OTOF: variants seen among roughly 807,000 people sequenced by gnomAD.
OTOF encodes otoferlin.
In OTOF, 218 loss-of-function variants were observed where a neutral mutation model predicts 236.8. The ratio of observed to expected loss-of-function variants is 0.92; its 90% CI spans 0.82 to 1.03. The LOEUF (loss-of-function observed/expected upper bound fraction) is 1.03, where lower values mean the gene tolerates loss of function less well. OTOF is among the 50% of genes least tolerant of loss of function. The probability of loss-of-function intolerance (pLI) is 0.00; values close to 1 mark genes in which losing one functional copy is unlikely to be tolerated. For missense variants in OTOF, 2,590 were observed against 2,694.4 expected, an observed-to-expected ratio of 0.96 and a Z score of 0.86; for synonymous variants, 1,041 against 1,072.5, an observed-to-expected ratio of 0.97 and a Z score of 0.57.
At chr2:26,469,088 T>C (rs1424520563) in intron 32 of OTOF, among the ~76,000 whole-genome samples, 1 of 152,194 alleles carries the variant, frequency 6.6e-6, no homozygotes, top group Non-Finnish European at 1.5e-5. Flanking sequence ...CAATAAATAT[T>C]TACATTTTCT....
rs1207130922 is a variant in OTOF at position 26,462,285 on chromosome 2, G to T, written c.5193-104C>A. 8.1e-6 allele frequency: 8 copies of T among 987,636 alleles called. No homozygotes were observed. In the East Asian group the frequency reaches 1.2e-4, roughly 15 times the overall value. The allele number at this position is 987,636 out of a possible 1,614,324, so 61.2% of individuals were successfully genotyped here. The stretch of plus-strand genomic sequence containing the variant: ...CGGAGAGAAGCCCTGGGGTCTTGGG[G>T]TCAGCACAGGGCCTGGGCCAGGCTG... On this transcript the variant is annotated intron_variant, in intron 41 of 46. Transcript: ENST00000272371. This position sits in a 1 kb window ranked among gnomAD's most constrained non-coding sequence, Gnocchi z 4.7.
Position 26,477,115 on chromosome 2 carries a change from AG to A in OTOF, c.2523+56del. 4 of 1,574,452 alleles carry A rather than the reference AG, an allele frequency of 2.5e-6. No homozygotes were observed. The highest frequency in any genetic ancestry group is 3.5e-6 in the Non-Finnish European group (4 of 1,154,240). On this transcript the variant is annotated intron_variant, in intron 21 of 46. Transcript: ENST00000272371. This position sits in a 1 kb window ranked among gnomAD's most constrained non-coding sequence, Gnocchi z 4.7. ...CTCCTGATTGAGCCCCCTGATCCTG[AG>A]GGGCCCCAGAGAGCCAGCCCTGGAT...
In OTOF at chr2:26,460,874, T is replaced by C; in HGVS notation, c.5690A>G (p.Glu1897Gly). 10 of 1,614,186 alleles carry C rather than the reference T, an allele frequency of 6.2e-6. No individual in the cohort carries two copies. The highest frequency in any genetic ancestry group is 8.5e-6 in the Non-Finnish European group (10 of 1,180,014). ...CACCGTGAGCTCAAACTCATCGTTC[T>C]CATTGCGGGCCAGGAGGGGCCACCA... ...KGWWPLLARN[E>G]NDEFELTGKV... Residue 1897 changes from glutamate (E) to glycine (G), a missense_variant, in exon 44 of 47, where the codon GAG (glutamate) becomes GGG (glycine). Transcript: ENST00000272371. The surrounding 1 kb of genome is among the most constrained non-coding windows in gnomAD (Gnocchi z 5.3).
At position 26,517,698 on chromosome 2, in the gene OTOF, G is replaced by A. The variant is rs369030510; in HGVS notation, c.328-1099C>T. On this transcript the variant is annotated intron_variant, in intron 4 of 46. Transcript: ENST00000272371. ...CCTGGGTCTCCGTGCTGGCCCTGCT[G>A]TCAACTGTGGCCGAATCCATTCCCC... is the stretch of plus-strand genomic sequence containing the variant. Among the ~76,000 whole-genome samples the A allele has an allele frequency of 5.7e-4, 87 of 152,304 alleles. 3 individuals carry two copies. The South Asian group carries it at 0.017, about 29-fold the overall frequency.
At chr2:26,520,766 G>A (rs889001779) in intron 3 of OTOF, among the ~76,000 whole-genome samples, 5 of 152,184 alleles carry the variant, frequency 3.3e-5, no homozygotes, top group South Asian at 2.1e-4. Flanking sequence ...TTTAGCTTCC[G>A]TACCATGTAG....
intron 1 of OTOF, among the ~76,000 whole-genome samples, chr2:26,550,996 T>A (rs1049791376): frequency 2.0e-5 from 3 of 151,746 alleles, no homozygotes; most frequent in Non-Finnish European, 4.4e-5. Context: ...TCATGGCTTT[T>A]TTCCCCCCCT....
rs550884145 is a variant in OTOF at position 26,525,820 on chromosome 2, C to T, written c.227+2012G>A. Among the ~76,000 whole-genome samples, 5 of 152,040 alleles carry T rather than the reference C, an allele frequency of 3.3e-5. No homozygotes were observed. In the South Asian group the frequency reaches 8.3e-4, roughly 25 times the overall value. On this transcript the variant is annotated intron_variant, in intron 3 of 46. Coordinates refer to ENST00000272371, the MANE Select transcript of OTOF (RefSeq NM_194248.3). ...TAGAAGGATGGGCCAAAAGTGGTGG[C>T]TCACGCCTGTAATCCCAGCACTTTG...
intron 13 of OTOF, 82 bp downstream of exon 13, chr2:26,483,380 T>C: frequency 7.7e-7 from 1 of 1,301,014 alleles, no homozygotes; most frequent in Admixed American, 1.7e-5. Context: ...CCTGCCCAGC[T>C]GCCCCAGGCC....
chr2:26,480,388 A>C, intron 15 of OTOF, 77 bp from the exon 16 acceptor site: 1 of 906,412 alleles, frequency 1.1e-6, no homozygotes, highest in Non-Finnish European at 1.8e-6. Flanking sequence ...CTTCCGTCTC[A>C]CAGACAGGCC....
At chr2:26,501,733 G>A in intron 8 of OTOF, 21 bp downstream of exon 8, 2 of 1,582,198 alleles carry the variant, frequency 1.3e-6, no homozygotes, top group Non-Finnish European at 1.7e-6. Context: ...AAAGACATGA[G>A]GCCTCCAGGT....
chr2:26,477,209 T>A lies in OTOF; in HGVS notation c.2486A>T (p.Gln829Leu). The change falls in exon 21 of 47, where the codon CAG (glutamine) becomes CTG (leucine). Residue 829 changes from glutamine (Q) to leucine (L), a missense_variant. Transcript: ENST00000272371. This position sits in a 1 kb window ranked among gnomAD's most constrained non-coding sequence, Gnocchi z 4.7. Reference protein sequence around the residue: ...HTVRDKLRLCQNFLQKLRFLA... With the variant: ...HTVRDKLRLCLNFLQKLRFLA... ...GAAGCGCAGCTTCTGCAGGAAGTTCTGGCACAGCCTCAGCTTGTCCCGCAC... is the reference window on the plus strand; with the variant it reads ...GAAGCGCAGCTTCTGCAGGAAGTTCAGGCACAGCCTCAGCTTGTCCCGCAC... The A allele has an allele frequency of 1.2e-6, 2 of 1,610,886 alleles. No homozygotes were observed. The highest frequency in any genetic ancestry group is 1.7e-6 in the Non-Finnish European group (2 of 1,179,638).
At chr2:26,551,429 C>T (rs1368771113) in intron 1 of OTOF, among the ~76,000 whole-genome samples, 1 of 152,254 alleles carries the variant, frequency 6.6e-6, no homozygotes, top group East Asian at 1.9e-4. Context: ...TCCTCCCTCC[C>T]TTCCCATCTG....
In OTOF at chr2:26,462,705, T is replaced by C. The variant is rs748642899; in HGVS notation, c.5193-524A>G. On this transcript the variant is annotated intron_variant, in intron 41 of 46. Transcript: ENST00000272371. This position sits in a 1 kb window ranked among gnomAD's most constrained non-coding sequence, Gnocchi z 4.7. ...GACAGGCCCTGGAACAGCTGACTCA[T>C]GGCCTCAGGTTTCCAGGACATTCCT... Among the ~76,000 whole-genome samples the C allele has an allele frequency of 6.6e-6, 1 of 152,198 alleles. No homozygotes were observed. Among genetic ancestry groups the C allele is most frequent in the South Asian group, 2.1e-4 (1 of 4,832 alleles).
intron 1 of OTOF, among the ~76,000 whole-genome samples, chr2:26,552,098 A>AT (rs930969423): frequency 4.6e-5 from 7 of 150,966 alleles, no homozygotes; most frequent in African/African-American, 1.7e-4. Context: ...AGTTAAAAAA[A>AT]AAAAAAAAAG....
chr2:26,534,968 C>T (rs1199925331), intron 2 of OTOF, among the ~76,000 whole-genome samples: 1 of 152,244 alleles, frequency 6.6e-6, no homozygotes, highest in African/African-American at 2.4e-5. Flanking sequence ...ACAACTTGTC[C>T]ACTGGGTCTA....
In OTOF at chr2:26,461,064, A is replaced by G. The variant is rs551494488; in HGVS notation, c.5534-34T>C. 6.0e-4 allele frequency: 152 copies of G among 253,906 alleles called. No homozygotes were observed. The highest frequency in any genetic ancestry group is 2.6e-4 in the Non-Finnish European group (36 of 136,242). The allele number at this position is 253,906 out of a possible 1,614,324, so 15.7% of individuals were successfully genotyped here. On this transcript the variant is annotated intron_variant, in intron 43 of 46. Transcript: ENST00000272371. The surrounding 1 kb of genome is among the most constrained non-coding windows in gnomAD (Gnocchi z 6.2). ...ACCTCAGTGTCAGCTCAGAGTGAAC[A>G]GGGCTGGGGTGGGGCGGGGTGGGGG...
intron 46 of OTOF, among the ~76,000 whole-genome samples, chr2:26,459,379 C>T (rs540563538): frequency 6.7e-4 from 102 of 152,118 alleles, no homozygotes; most frequent in African/African-American, 1.9e-3. Context: ...AGTGAAACCC[C>T]GTCTCTACTA....
In OTOF at chr2:26,464,045, G is replaced by T. The variant is rs1163267540; in HGVS notation, c.5022C>A (p.Ile1674=). 2 of 1,613,588 alleles carry T rather than the reference G, an allele frequency of 1.2e-6. No individual in the cohort carries two copies. The highest frequency in any genetic ancestry group is 2.2e-5 in the East Asian group (1 of 44,882). Reference sequence around the variant, plus strand: ...GCACCAGGCGGCAGCCTGCGCGGGGGATGTCCTCCCAGTGCCTCAGGGCCA... The same window carrying T: ...GCACCAGGCGGCAGCCTGCGCGGGGTATGTCCTCCCAGTGCCTCAGGGCCA... ...ALLALRHWED[I]PRAGCRLVPE... Residue 1674 remains isoleucine, a synonymous_variant, in exon 40 of 47, where the codon ATC becomes ATA. Coordinates refer to ENST00000272371, the MANE Select transcript of OTOF (RefSeq NM_194248.3).
rs556182666 is a variant in OTOF at position 26,495,056 on chromosome 2, G to A, written c.783C>T (p.Ile261=). The A allele has an allele frequency of 1.1e-4, 179 of 1,614,110 alleles. 2 individuals are homozygous for A. The South Asian group carries it at 1.6e-3, about 15-fold the overall frequency. Residue 261 remains isoleucine, a synonymous_variant, in exon 9 of 47, where the codon ATC becomes ATT. Transcript: ENST00000272371. ...TCAAGCCCACCAGCTGCCGGGCCTCGATCACCGTGATGCTGACCTGCAGGC... is the reference window on the plus strand; with the variant it reads ...TCAAGCCCACCAGCTGCCGGGCCTCAATCACCGTGATGCTGACCTGCAGGC... ...PMDYQVSITV[I]EARQLVGLNM...
Sources: gnomAD v4.1 joint callset for allele counts (sites outside exome capture counted in the v4.1 genomes callset) on GRCh38, gnomAD v4.1.1 for gene constraint, Gnocchi (gnomAD v3.1) non-coding constraint, MANE v1.5 for transcripts, NCBI Gene and HGNC (gene_info 2026-07-23, HGNC 2026-07-21) for gene names.